Variants in CLASP1 observed in about 807,000 individuals in gnomAD.
CLASP1 encodes CLIP-associating protein 1.
Under a neutral mutation model 192.3 loss-of-function variants are expected in CLASP1, and 38 were observed. The ratio of observed to expected loss-of-function variants is 0.20; its 90% CI spans 0.15 to 0.26. The LOEUF (loss-of-function observed/expected upper bound fraction) is 0.26, where lower values mean the gene tolerates loss of function less well. Among genes scored for constraint, CLASP1 ranks in the 10% least tolerant of loss-of-function variants. The pLI is 1.00. For missense variants in CLASP1, 1,433 were observed against 1,932.5 expected (o/e 0.74, Z 4.85); for synonymous variants, 691 against 712.8 (o/e 0.97, Z 0.49).
chr2:121,592,882 G>A (rs988940048), intron 2 of CLASP1, among the ~76,000 whole-genome samples: 4 of 152,096 alleles, frequency 2.6e-5, no homozygotes, highest in East Asian at 1.9e-4. Flanking sequence ...TCCTGACCTC[G>A]TGATCCGCCC....
intron 39 of CLASP1, among the ~76,000 whole-genome samples, chr2:121,346,282 AG>A (rs1315544296): frequency 3.9e-5 from 6 of 152,206 alleles, no homozygotes; most frequent in Non-Finnish European, 5.9e-5. Context: ...CTGGGAACCA[AG>A]GCCTCACCCC....
chr2:121,367,909 A>C, intron 34 of CLASP1, 78 bp from the exon 36 acceptor site: 4 of 1,552,410 alleles, frequency 2.6e-6, no homozygotes, highest in Non-Finnish European at 3.5e-6. Flanking sequence ...AATATTAAGA[A>C]GGCCAGAGAT....
At chr2:121,507,568 G>T (rs762737965) in intron 7 of CLASP1, among the ~76,000 whole-genome samples, 11 of 152,134 alleles carry the variant, frequency 7.2e-5, no homozygotes, top group African/African-American at 2.4e-4. Flanking sequence ...AGTTGTTATC[G>T]TTGCCTCAGG....
At chr2:121,566,655 T>C (rs901912392) in intron 2 of CLASP1, among the ~76,000 whole-genome samples, 1 of 152,214 alleles carries the variant, frequency 6.6e-6, no homozygotes, top group African/African-American at 2.4e-5. Context: ...TGTCTTAAAT[T>C]ACTTTCAGAT....
At chr2:121,340,742 G>A in exon 40 of CLASP1, 2 of 706,152 alleles carry the variant, frequency 2.8e-6, no homozygotes, top group Non-Finnish European at 4.9e-6. Context: ...AATACTGATT[G>A]TAATAAATAT....
chr2:121,342,531 C>T (rs2062913149), intron 39 of CLASP1, among the ~76,000 whole-genome samples: 1 of 152,112 alleles, frequency 6.6e-6, no homozygotes, highest in Non-Finnish European at 1.5e-5. Flanking sequence ...AAAAAGAAAG[C>T]TCTCTAATCA....
chr2:121,352,314 G>A (rs564363295), intron 37 of CLASP1, among the ~76,000 whole-genome samples: 53 of 152,308 alleles, frequency 3.5e-4, no homozygotes, highest in Admixed American at 3.3e-3. Context: ...CCAAAGCGTC[G>A]GACTCAACAT....
At chr2:121,572,183 C>T (rs986315695) in intron 2 of CLASP1, among the ~76,000 whole-genome samples, 13 of 152,254 alleles carry the variant, frequency 8.5e-5, no homozygotes, top group African/African-American at 2.9e-4. Context: ...AATCCCAGCA[C>T]TTTGGGAGGC....
At chr2:121,610,315 C>T (rs975696229) in intron 1 of CLASP1, among the ~76,000 whole-genome samples, 7 of 125,308 alleles carry the variant, frequency 5.6e-5, no homozygotes, top group African/African-American at 2.2e-4. Context: ...GGAAGAGGAA[C>T]TGGAGGAGGA....
chr2:121,521,487 C>T (rs867137722), intron 6 of CLASP1, among the ~76,000 whole-genome samples: 2 of 152,156 alleles, frequency 1.3e-5, no homozygotes, highest in Non-Finnish European at 2.9e-5. Context: ...ACTCCGGCTC[C>T]GAGCTACTGG....
intron 3 of CLASP1, 51 bp from the exon 4 acceptor site, chr2:121,528,831 T>C: frequency 1.4e-6 from 2 of 1,390,968 alleles, no homozygotes; most frequent in South Asian, 1.2e-5. Flanking sequence ...TGGGGGTCTG[T>C]GGTCACCAAG....
chr2:121,556,971 G>A (rs114521691), intron 2 of CLASP1, among the ~76,000 whole-genome samples: 2 of 152,212 alleles, frequency 1.3e-5, no homozygotes, highest in Admixed American at 6.5e-5. Context: ...GCTACCAAAT[G>A]ACTCTAGGTG....
chr2:121,405,714 T>C (rs1033505523), intron 25 of CLASP1, among the ~76,000 whole-genome samples: 1 of 152,150 alleles, frequency 6.6e-6, no homozygotes, highest in East Asian at 1.9e-4. Flanking sequence ...ATCTACAAAG[T>C]GGGACCACCA....
chr2:121,520,516 C>T (rs1166811541), intron 6 of CLASP1, among the ~76,000 whole-genome samples: 1 of 152,228 alleles, frequency 6.6e-6, no homozygotes, highest in Non-Finnish European at 1.5e-5. Context: ...GGTGCTCCTC[C>T]CTCCTCCTGA....
chr2:121,447,425 G>A, exon 19 of CLASP1: 1 of 1,566,826 alleles, frequency 6.4e-7, no homozygotes, highest in Non-Finnish European at 8.7e-7. Context: ...ATTTGGCACT[G>A]GCTGCTGCGT....
intron 6 of CLASP1, 22 bp downstream of exon 6, chr2:121,525,823 G>A (rs1018394137): frequency 1.3e-5 from 20 of 1,577,272 alleles, no homozygotes; most frequent in South Asian, 2.2e-5. Flanking sequence ...GACTTCTCCC[G>A]AGGGTTTTCC....
intron 21 of CLASP1, among the ~76,000 whole-genome samples, chr2:121,426,602 A>C (rs910485680): frequency 1.3e-5 from 2 of 152,208 alleles, no homozygotes; most frequent in African/African-American, 2.4e-5. Flanking sequence ...ACCTTTCCAC[A>C]CATGAATATT....
intron 2 of CLASP1, among the ~76,000 whole-genome samples, chr2:121,557,754 C>G (rs1249510819): frequency 6.6e-6 from 1 of 150,720 alleles, no homozygotes; most frequent in Non-Finnish European, 1.5e-5. Flanking sequence ...AATACTTCAT[C>G]TTGGAAAAAA....
intron 19 of CLASP1, chr2:121,445,051 T>C: frequency 1.3e-6 from 1 of 765,182 alleles, no homozygotes; most frequent in Non-Finnish European, 2.0e-6. Context: ...TATTAGCTAC[T>C]AAAAAAGCAA....
Sources: allele counts gnomAD v4.1 joint callset (sites outside exome capture counted in the v4.1 genomes callset), GRCh38; gene constraint gnomAD v4.1.1; transcripts MANE v1.5; gene names NCBI Gene and HGNC (gene_info 2026-07-23, HGNC 2026-07-21).